The following URI1 variants were observed in gnomAD, a reference collection of about 807,000 sequenced individuals.
URI1 encodes unconventional prefoldin RPB5 interactor 1.
Under a neutral mutation model 60.2 loss-of-function variants are expected in URI1, and 39 were observed. The observed-to-expected ratio is 0.65, with a 90% CI of 0.50 to 0.85. The LOEUF is 0.85. Ranked by LOEUF, URI1 falls within the 40% of genes least tolerant of loss-of-function variation. The pLI, the probability that URI1 is intolerant of heterozygous loss-of-function variation, is 0.00. For synonymous variants in URI1, 251 were observed against 236.8 expected, an observed-to-expected ratio of 1.06 and a Z score of -0.55; for missense variants, 691 against 665.9, an observed-to-expected ratio of 1.04 and a Z score of -0.42.
intron 1 of URI1, among the ~76,000 whole-genome samples, chr19:29,965,073 G>A (rs973172463): frequency 6.6e-6 from 1 of 152,052 alleles, no homozygotes; most frequent in Admixed American, 6.6e-5. Flanking sequence ...GGGTCTCTGT[G>A]TTTTGTTTTC....
intron 1 of URI1, among the ~76,000 whole-genome samples, chr19:29,964,612 C>T (rs1382633135): frequency 6.6e-6 from 1 of 151,450 alleles, no homozygotes; most frequent in Non-Finnish European, 1.5e-5. Flanking sequence ...AGGCGCCTGC[C>T]ACAACGCCTG....
Position 30,014,877 on chromosome 19 carries a change from T to C in URI1, c.1426-10T>C. The C allele has an allele frequency of 6.2e-7, 1 of 1,606,870 alleles. No homozygotes were observed. The highest frequency in any genetic ancestry group is 8.5e-7 in the Non-Finnish European group (1 of 1,176,780). On this transcript the variant is annotated splice_polypyrimidine_tract_variant and intron_variant, in intron 10 of 10. Transcript: ENST00000392271. Reference sequence around the variant, plus strand: ...CATTTTATTACCATAACCTGACTTTTGTTTTCTAGGCTTTTTCTGGAACTG... The same window carrying C: ...CATTTTATTACCATAACCTGACTTTCGTTTTCTAGGCTTTTTCTGGAACTG...
upstream of URI1, chr19:29,942,145 A>T: frequency 1.1e-6 from 1 of 926,352 alleles, no homozygotes; most frequent in African/African-American, 1.8e-5. Context: ...GGTTCGCATC[A>T]AGCGCACTCC....
At chr19:29,953,836 T>A (rs879367206) in intron 1 of URI1, among the ~76,000 whole-genome samples, 1 of 152,126 alleles carries the variant, frequency 6.6e-6, no homozygotes, top group Admixed American at 6.5e-5. Flanking sequence ...ATTCATATGG[T>A]AATTGCAGAA....
chr19:29,988,020 T>A (rs577296777), intron 4 of URI1, among the ~76,000 whole-genome samples: 2 of 151,992 alleles, frequency 1.3e-5, no homozygotes, highest in African/African-American at 4.8e-5. Flanking sequence ...ATACAAAAAT[T>A]AGCCGGGCGT....
At chr19:30,012,021 C>T (rs2056027475) in intron 9 of URI1, among the ~76,000 whole-genome samples, 1 of 152,070 alleles carries the variant, frequency 6.6e-6, no homozygotes. Flanking sequence ...ACGTTGTGCA[C>T]ATGTACCCTA....
Position 29,975,500 on chromosome 19 carries a change from C to CT in URI1, c.152+4294dup, listed in dbSNP as rs10717602. ...GTCCCCTAATTCTCAGTTCTGTTTACTTTTTTTTTTTTTTTTTTTTTGAGA... is the reference window on the plus strand; with the variant it reads ...GTCCCCTAATTCTCAGTTCTGTTTACTTTTTTTTTTTTTTTTTTTTTTGAGA... On this transcript the variant is annotated intron_variant, in intron 2 of 10. Coordinates refer to ENST00000392271, the MANE Select transcript of URI1 (RefSeq NM_003796.3). 9.9e-3 allele frequency among the ~76,000 whole-genome samples: 719 copies of CT among 72,310 alleles called. 15 individuals are homozygous for CT. Among genetic ancestry groups the CT allele is most frequent in the African/African-American group, 0.035 (678 of 19,562 alleles). 47.4% of individuals were successfully genotyped at this position (72,310 alleles called of 152,430 possible).
intron 1 of URI1, among the ~76,000 whole-genome samples, chr19:29,959,855 C>G (rs564566331): frequency 1.3e-5 from 2 of 151,610 alleles, no homozygotes; most frequent in Admixed American, 1.3e-4. Flanking sequence ...TTTCTTCTCT[C>G]TTTTTTCCTG....
chr19:29,968,700 T>C (rs1481304294), intron 1 of URI1, among the ~76,000 whole-genome samples: 1 of 149,384 alleles, frequency 6.7e-6, no homozygotes, highest in African/African-American at 2.5e-5. Flanking sequence ...GCCTCCCGAG[T>C]AGCCAGGACT....
intron 4 of URI1, among the ~76,000 whole-genome samples, chr19:29,994,195 C>A (rs940363248): frequency 6.6e-6 from 1 of 152,160 alleles, no homozygotes; most frequent in Non-Finnish European, 1.5e-5. Context: ...AGACTGACTA[C>A]ACCTTTGCCA....
intron 2 of URI1, among the ~76,000 whole-genome samples, chr19:29,978,284 A>G (rs2055550664): frequency 6.6e-6 from 1 of 152,158 alleles, no homozygotes; most frequent in South Asian, 2.1e-4. Flanking sequence ...ATCCCTAATC[A>G]CATTTCATCA....
intron 1 of URI1, among the ~76,000 whole-genome samples, chr19:29,949,755 C>A (rs565459326): frequency 6.6e-6 from 1 of 152,182 alleles, no homozygotes; most frequent in Non-Finnish European, 1.5e-5. Context: ...CAAAAAAATA[C>A]GAAAACCACT....
intron 1 of URI1, among the ~76,000 whole-genome samples, chr19:29,965,264 C>T (rs892565793): frequency 1.3e-5 from 2 of 152,114 alleles, no homozygotes; most frequent in Non-Finnish European, 2.9e-5. Flanking sequence ...ATTGTGGCTA[C>T]AGACGGAGAA....
chr19:29,948,301 G>A (rs954934981), intron 1 of URI1, among the ~76,000 whole-genome samples: 6 of 152,232 alleles, frequency 3.9e-5, no homozygotes, highest in African/African-American at 1.4e-4. Flanking sequence ...TTCAAGTGCT[G>A]GTAGTGGGCA....
At chr19:30,014,635 C>G (rs1377225428) in intron 10 of URI1, among the ~76,000 whole-genome samples, 2 of 152,024 alleles carry the variant, frequency 1.3e-5, no homozygotes, top group African/African-American at 4.8e-5. Flanking sequence ...TTTTTTTTCC[C>G]AGATAAAATT....
At chr19:29,991,103 C>T (rs2055740699) in intron 4 of URI1, among the ~76,000 whole-genome samples, 1 of 152,136 alleles carries the variant, frequency 6.6e-6, no homozygotes, top group Non-Finnish European at 1.5e-5. Flanking sequence ...CTTTGCCTTT[C>T]CATATACATT....
At chr19:29,926,198 T>C (rs1450936127) in intron 1 of URI1, among the ~76,000 whole-genome samples, 2 of 151,848 alleles carry the variant, frequency 1.3e-5, no homozygotes, top group Non-Finnish European at 2.9e-5. Flanking sequence ...GGTGCACCCA[T>C]TACCCGAATA....
chr19:29,993,901 CTTTTA>C lies in URI1; in HGVS notation c.367+7489_367+7493del, dbSNP rs1468990905. ...CACCTCCACTCAAATTGTAGGCACA[CTTTTA>C]TTTTTTTGTTTTGGCAGCTTGCTGT... On this transcript the variant is annotated intron_variant, in intron 4 of 10. Transcript: ENST00000392271. Among the ~76,000 whole-genome samples the C allele has an allele frequency of 3.3e-5, 5 of 152,158 alleles. No homozygotes were observed. In the East Asian group the frequency reaches 5.8e-4, roughly 18 times the overall value.
intron 7 of URI1, 32 bp downstream of exon 7, chr19:30,007,670 A>G: frequency 4.6e-6 from 7 of 1,534,858 alleles, no homozygotes; most frequent in Non-Finnish European, 6.1e-6. Flanking sequence ...TTCCAAGATA[A>G]TTTGTTTCTA....
Sources: gnomAD v4.1 joint callset for allele counts (sites outside exome capture counted in the v4.1 genomes callset) on GRCh38, gnomAD v4.1.1 for gene constraint, MANE v1.5 for transcripts, NCBI Gene and HGNC (gene_info 2026-07-23, HGNC 2026-07-21) for gene names.